Variants in STPG2 observed in about 807,000 individuals in gnomAD.
STPG2 encodes the protein sperm tail PG-rich repeat containing 2, also known as sperm-tail PG-rich repeat-containing protein 2.
A neutral mutation model predicts 54.2 loss-of-function variants in STPG2; 56 were observed. The observed-to-expected ratio is 1.03, with a 90% confidence interval of 0.83 to 1.29. STPG2 has a LOEUF of 1.29. Ranked by LOEUF, STPG2 falls within the 50% of genes most tolerant of loss-of-function variation. The pLI, the probability that STPG2 is intolerant of heterozygous loss-of-function variation, is 0.00. For missense variants in STPG2, 596 were observed against 544.9 expected, an observed-to-expected ratio of 1.09 and a Z score of -0.93; for synonymous variants, 200 against 181.8, an observed-to-expected ratio of 1.10 and a Z score of -0.81.
rs567746846 is a variant in STPG2, at chr4:97,628,138, C to A, written c.1321-69021G>T. On this transcript the variant is annotated intron_variant, in intron 10 of 10. Transcript: ENST00000295268. ...CAGTCAAGTTGACACATAAAATTAG[C>A]CATTATAATTTTGCATTCTATTCAG... 1.3e-4 allele frequency among the ~76,000 whole-genome samples: 20 copies of A among 152,178 alleles called. 1 individual carries two copies. Among genetic ancestry groups the A allele is most frequent in the Non-Finnish European group, 2.4e-4 (16 of 68,002 alleles).
chr4:97,950,582 GT>G (rs1733428269), intron 7 of STPG2, among the ~76,000 whole-genome samples: 1 of 151,906 alleles, frequency 6.6e-6, no homozygotes, highest in African/African-American at 2.4e-5. Context: ...TCGTTTTCTG[GT>G]ATTTCCAAGA....
intron 10 of STPG2, among the ~76,000 whole-genome samples, chr4:97,671,556 C>A (rs1218204993): frequency 2.6e-5 from 4 of 152,096 alleles, no homozygotes; most frequent in African/African-American, 7.2e-5. Context: ...TGTAAATGCA[C>A]CCATATACAA....
At chr4:97,816,842 TTCC>T (rs1324047282) in intron 9 of STPG2, among the ~76,000 whole-genome samples, 2 of 151,214 alleles carry the variant, frequency 1.3e-5, no homozygotes, top group Non-Finnish European at 1.5e-5. Flanking sequence ...CCTTCCTGCC[TTCC>T]TCCTTCCTTT....
At chr4:97,648,887 C>T (rs1362708745) in intron 10 of STPG2, among the ~76,000 whole-genome samples, 1 of 152,132 alleles carries the variant, frequency 6.6e-6, no homozygotes, top group Non-Finnish European at 1.5e-5. Flanking sequence ...AGTCTTAATA[C>T]TCAGGTCAAG....
chr4:97,526,503 T>C (rs1731283014), intron 4 of STPG2, among the ~76,000 whole-genome samples: 1 of 152,116 alleles, frequency 6.6e-6, no homozygotes, highest in African/African-American at 2.4e-5. Context: ...GTTTATATCC[T>C]ATGTCCACTT....
At chr4:97,964,124 T>C (rs956588502) in intron 7 of STPG2, among the ~76,000 whole-genome samples, 1 of 152,080 alleles carries the variant, frequency 6.6e-6, no homozygotes, top group Non-Finnish European at 1.5e-5. Flanking sequence ...CACAGAAAAA[T>C]GCAAAACTCC....
At chr4:98,130,689 G>A (rs1171913047) in intron 2 of STPG2, among the ~76,000 whole-genome samples, 4 of 151,946 alleles carry the variant, frequency 2.6e-5, no homozygotes, top group South Asian at 4.2e-4. Context: ...TTGGGAGGCC[G>A]AGGCGGGTGG....
At chr4:98,086,666 G>GAAAAAT (rs1738524484) in intron 5 of STPG2, among the ~76,000 whole-genome samples, 1 of 94,926 alleles carries the variant, frequency 1.1e-5, no homozygotes, top group Admixed American at 1.2e-4. Flanking sequence ...ATGCATGCCA[G>GAAAAAT]AAAAAAAAAA....
intron 5 of STPG2, among the ~76,000 whole-genome samples, chr4:98,004,804 T>C (rs887199478): frequency 2.0e-5 from 3 of 152,168 alleles, no homozygotes; most frequent in African/African-American, 4.8e-5. Context: ...GAAAAGTCTA[T>C]TCAGGTTATT....
At chr4:97,646,685 T>C (rs1721921699) in intron 10 of STPG2, among the ~76,000 whole-genome samples, 2 of 152,160 alleles carry the variant, frequency 1.3e-5, no homozygotes, top group Admixed American at 1.3e-4. Flanking sequence ...TATTGATTTA[T>C]ATTCTGTAAA....
intron 8 of STPG2, among the ~76,000 whole-genome samples, chr4:97,894,553 TCTC>T (rs1202540204): frequency 1.3e-5 from 2 of 151,904 alleles, no homozygotes; most frequent in Non-Finnish European, 2.9e-5. Context: ...TCAACTTTTC[TCTC>T]CTCAGTTCAT....
At chr4:98,058,923 C>T (rs1010270418) in intron 5 of STPG2, among the ~76,000 whole-genome samples, 1 of 151,168 alleles carries the variant, frequency 6.6e-6, no homozygotes, top group Non-Finnish European at 1.5e-5. Context: ...CCTAAAGAAT[C>T]GCATCTGAAA....
rs1304571944 is a variant in STPG2 at position 97,638,763 on chromosome 4, A to G, written c.1320+73936T>C. Among the ~76,000 whole-genome samples the G allele has an allele frequency of 4.2e-3, 630 of 149,042 alleles. 5 individuals are homozygous for G. The highest frequency in any genetic ancestry group is 0.015 in the African/African-American group (579 of 39,254). On this transcript the variant is annotated intron_variant, in intron 10 of 10. Coordinates refer to ENST00000295268, the MANE Select transcript of STPG2 (RefSeq NM_174952.3). Reference sequence around the variant, plus strand: ...GAAAAAATGCTCACCATCACTGGCCATCAGGGAAATGCAAATCAAAACCAC... The same window carrying G: ...GAAAAAATGCTCACCATCACTGGCCGTCAGGGAAATGCAAATCAAAACCAC...
At chr4:97,539,442 A>G (rs1731634471) in intron 4 of STPG2, among the ~76,000 whole-genome samples, 2 of 152,222 alleles carry the variant, frequency 1.3e-5, no homozygotes, top group Admixed American at 1.3e-4. Flanking sequence ...AAAAGAGACA[A>G]AGAAGGCCAT....
intron 4 of STPG2, among the ~76,000 whole-genome samples, chr4:97,549,371 TAA>T (rs376088504): frequency 7.0e-4 from 106 of 152,326 alleles, no homozygotes; most frequent in East Asian, 4.4e-3. Context: ...TCACTATATC[TAA>T]GTCTTTCACT....
chr4:97,567,949 C>T (rs1232896821), intron 10 of STPG2, among the ~76,000 whole-genome samples: 1 of 152,042 alleles, frequency 6.6e-6, no homozygotes, highest in Non-Finnish European at 1.5e-5. Context: ...CCCTATTGAA[C>T]CAGGTGGAAA....
intron 3 of STPG2, among the ~76,000 whole-genome samples, chr4:98,121,514 C>G (rs1348204704): frequency 1.3e-5 from 2 of 152,116 alleles, no homozygotes; most frequent in Non-Finnish European, 1.5e-5. Flanking sequence ...TTCTTCCTAT[C>G]CATGAACATG....
intron 10 of STPG2, among the ~76,000 whole-genome samples, chr4:97,661,847 C>T (rs1012259665): frequency 5.9e-5 from 9 of 152,114 alleles, no homozygotes; most frequent in Admixed American, 4.6e-4. Context: ...TATTAGTTGT[C>T]TCCACAGAGC....
chr4:97,783,114 G>A (rs1291381418), intron 9 of STPG2, among the ~76,000 whole-genome samples: 3 of 152,152 alleles, frequency 2.0e-5, no homozygotes, highest in Admixed American at 6.5e-5. Context: ...TCTGCACAGT[G>A]AAAGAAACTA....
Sources: allele counts gnomAD v4.1 joint callset (sites outside exome capture counted in the v4.1 genomes callset), GRCh38; gene constraint gnomAD v4.1.1; transcripts MANE v1.5; gene names NCBI Gene and HGNC (gene_info 2026-07-23, HGNC 2026-07-21).